The following NTN4 variants were observed in gnomAD, a reference collection of about 807,000 sequenced individuals.
NTN4 encodes the protein netrin 4.
A neutral mutation model predicts 73.6 loss-of-function variants in NTN4; 32 were observed. The ratio of observed to expected loss-of-function variants is 0.44; its 90% CI spans 0.33 to 0.58. The LOEUF (loss-of-function observed/expected upper bound fraction) is 0.58, where lower values mean the gene tolerates loss of function less well. Among genes scored for constraint, NTN4 ranks in the 20% least tolerant of loss-of-function variants. The pLI is 0.04. For synonymous variants in NTN4, 258 were observed against 287.5 expected (o/e 0.90, Z 1.04); for missense variants, 654 against 798.3 (o/e 0.82, Z 2.18).
chr12:95,785,242 A>C (rs890002917), intron 2 of NTN4, among the ~76,000 whole-genome samples: 4 of 152,232 alleles, frequency 2.6e-5, no homozygotes, highest in Non-Finnish European at 5.9e-5. Context: ...TCATAGATAC[A>C]CAAGGCCCAG....
intron 1 of NTN4, among the ~76,000 whole-genome samples, chr12:95,787,925 A>T (rs957950403): frequency 3.3e-5 from 5 of 152,238 alleles, no homozygotes; most frequent in Admixed American, 1.3e-4. Context: ...TTCAAATTTA[A>T]TGTGAGTCCT....
Position 95,658,962 on chromosome 12 carries a change from C to A in NTN4, c.*124G>T. On this transcript the variant is annotated 3_prime_UTR_variant, in exon 10 of 10. Transcript: ENST00000343702. ...AGAGATAAGTTAGATAAGACCCATG[C>A]ATTCAAACATTTCTATATGTTTTGG... The A allele has an allele frequency of 1.3e-6, 1 of 787,362 alleles. No homozygotes were observed. Among genetic ancestry groups the A allele is most frequent in the South Asian group, 1.9e-5 (1 of 52,806 alleles). The allele number at this position is 787,362 out of a possible 1,614,324, so 48.8% of individuals were successfully genotyped here. A position where few individuals can be genotyped will look rare whatever the true frequency, so the allele number is the denominator to read the frequency against.
intron 7 of NTN4, among the ~76,000 whole-genome samples, chr12:95,679,552 C>T (rs2078299577): frequency 1.3e-5 from 2 of 152,056 alleles, no homozygotes; most frequent in Non-Finnish European, 2.9e-5. Context: ...AATCCTTGAC[C>T]CTACCTCATT....
chr12:95,699,552 C>G (rs1451137621), intron 5 of NTN4, among the ~76,000 whole-genome samples: 1 of 151,516 alleles, frequency 6.6e-6, no homozygotes, highest in East Asian at 1.9e-4. Flanking sequence ...GCAATAGAGA[C>G]TGAGGCAAGA....
At chr12:95,718,424 T>C (rs774524480) in intron 3 of NTN4, among the ~76,000 whole-genome samples, 48 of 152,320 alleles carry the variant, frequency 3.2e-4, no homozygotes, top group Non-Finnish European at 5.6e-4. Flanking sequence ...CTTACCAAGA[T>C]TGTTGTAGAA....
At chr12:95,766,127 A>G (rs7137008) in intron 2 of NTN4, among the ~76,000 whole-genome samples, 85,125 of 152,010 alleles carry the variant, frequency 0.56, 24,107 homozygotes, top group East Asian at 0.68. Context: ...TTGGCAGTTA[A>G]GTGACATCCT....
At chr12:95,681,739 G>A (rs1173657579) in intron 7 of NTN4, among the ~76,000 whole-genome samples, 1 of 152,168 alleles carries the variant, frequency 6.6e-6, no homozygotes, top group Non-Finnish European at 1.5e-5. Context: ...AATGTCATAG[G>A]GAAATTGAGT....
intron 3 of NTN4, among the ~76,000 whole-genome samples, chr12:95,717,203 C>T (rs1000795643): frequency 1.3e-5 from 2 of 152,156 alleles, no homozygotes; most frequent in African/African-American, 4.8e-5. Context: ...GCTCAACCAT[C>T]ATCATAGGTT....
intron 2 of NTN4, among the ~76,000 whole-genome samples, chr12:95,771,521 A>T (rs2079059200): frequency 1.3e-5 from 2 of 152,218 alleles, no homozygotes; most frequent in South Asian, 4.1e-4. Context: ...TTGTCAAAGT[A>T]GATGCTCTCC....
At chr12:95,672,341 G>C (rs1481336304) in intron 7 of NTN4, 1 of 792,272 alleles carries the variant, frequency 1.3e-6, no homozygotes, top group Non-Finnish European at 2.3e-6. Flanking sequence ...CCAGCATGGA[G>C]AGTGCATGGA....
At chr12:95,683,325 G>C (rs1428808350) in intron 6 of NTN4, among the ~76,000 whole-genome samples, 173 bp downstream of exon 6, 1 of 152,192 alleles carries the variant, frequency 6.6e-6, no homozygotes, top group Non-Finnish European at 1.5e-5. Flanking sequence ...GCCTCCCAAA[G>C]TGTTGGAATT....
rs549624069 is a variant in NTN4, at chr12:95,711,147, A to G, written c.992-518T>C. On this transcript the variant is annotated intron_variant, in intron 4 of 9. Transcript: ENST00000343702. ...CATTTACCCTGTTTTTCCTGATTTC[A>G]ATAGGTTACTACTTTTTTTTAAAAG... 1.7e-3 allele frequency among the ~76,000 whole-genome samples: 264 copies of G among 152,278 alleles called. 3 individuals carry two copies. The highest frequency in any genetic ancestry group is 5.9e-3 in the African/African-American group (247 of 41,556).
intron 5 of NTN4, among the ~76,000 whole-genome samples, chr12:95,700,431 T>C (rs976378183): frequency 6.6e-6 from 1 of 152,124 alleles, no homozygotes; most frequent in African/African-American, 2.4e-5. Context: ...TCTGATTCAG[T>C]GTATTCTGGG....
intron 3 of NTN4, among the ~76,000 whole-genome samples, chr12:95,713,740 T>G (rs1008470667): frequency 1.3e-5 from 2 of 152,186 alleles, no homozygotes; most frequent in East Asian, 3.8e-4. Context: ...ATATAACATT[T>G]GGAGCATATA....
At position 95,710,034 on chromosome 12, in the gene NTN4, T is replaced by C. The variant is rs144181437; in HGVS notation, c.1180+407A>G. ...CTTTTTTCATGTTTAAGTTCACTGT[T>C]AAGGTAAAAGAATAATCCAAGTGCA... On this transcript the variant is annotated intron_variant, in intron 5 of 9. Transcript: ENST00000343702. Among the ~76,000 whole-genome samples, 417 of 152,312 alleles carry C rather than the reference T, an allele frequency of 2.7e-3. 3 individuals are homozygous for C. Among genetic ancestry groups the C allele is most frequent in the African/African-American group, 9.4e-3 (389 of 41,564 alleles).
intron 2 of NTN4, among the ~76,000 whole-genome samples, chr12:95,783,746 C>A (rs377579619): frequency 6.6e-6 from 1 of 152,204 alleles, no homozygotes; most frequent in African/African-American, 2.4e-5. Flanking sequence ...GAAGGAGACA[C>A]GTTTTAGGAT....
chr12:95,756,717 C>A (rs2078949805), intron 2 of NTN4, among the ~76,000 whole-genome samples: 3 of 151,934 alleles, frequency 2.0e-5, no homozygotes, highest in African/African-American at 7.3e-5. Context: ...TTTTTCCCTG[C>A]CCATCCTTCC....
chr12:95,677,306 CA>C (rs1415041711), intron 7 of NTN4, among the ~76,000 whole-genome samples: 1 of 151,982 alleles, frequency 6.6e-6, no homozygotes, highest in Admixed American at 6.6e-5. Context: ...AATTAATAAC[CA>C]TGACAGATAT....
At chr12:95,737,415 C>T (rs1429824826) in intron 3 of NTN4, among the ~76,000 whole-genome samples, 1 of 152,136 alleles carries the variant, frequency 6.6e-6, no homozygotes, top group Non-Finnish European at 1.5e-5. Flanking sequence ...GGGGGTCAGT[C>T]CTCTTCATGG....
Sources: allele counts gnomAD v4.1 joint callset (sites outside exome capture counted in the v4.1 genomes callset), GRCh38; gene constraint gnomAD v4.1.1; transcripts MANE v1.5; gene names NCBI Gene and HGNC (gene_info 2026-07-23, HGNC 2026-07-21).